Variants in ABTB2 observed in about 807,000 individuals in gnomAD.
ABTB2 encodes ankyrin repeat and BTB domain containing 2.
A neutral mutation model predicts 104.1 loss-of-function variants in ABTB2; 56 were observed. That is an observed-to-expected ratio of 0.54 (90% CI 0.43 to 0.67). The LOEUF (loss-of-function observed/expected upper bound fraction) is 0.67. ABTB2 is among the 30% of genes least tolerant of loss of function. ABTB2 has a pLI of 0.00. For missense variants in ABTB2, 1,279 were observed against 1,407.7 expected, an observed-to-expected ratio of 0.91 and a Z score of 1.46; for synonymous variants, 606 against 608.2, an observed-to-expected ratio of 1.00 and a Z score of 0.05.
intron 5 of ABTB2, 70 bp downstream of exon 5, chr11:34,170,836 C>A: frequency 6.4e-7 from 1 of 1,564,582 alleles, no homozygotes. Flanking sequence ...CAGAGGGCCG[C>A]CAATGCTGGG....
chr11:34,303,457 T>C (rs988201803), intron 1 of ABTB2, among the ~76,000 whole-genome samples: 3 of 152,192 alleles, frequency 2.0e-5, no homozygotes, highest in Admixed American at 6.6e-5. Context: ...CAGCATCACG[T>C]AGAGGTTTCC....
intron 1 of ABTB2, among the ~76,000 whole-genome samples, chr11:34,287,167 T>C (rs1854514918): frequency 7.0e-6 from 1 of 142,556 alleles, no homozygotes; most frequent in Non-Finnish European, 1.5e-5. Flanking sequence ...GGCAACATAG[T>C]AAGACCTTGT....
intron 1 of ABTB2, among the ~76,000 whole-genome samples, chr11:34,315,893 G>C (rs1237191744): frequency 6.6e-6 from 1 of 152,170 alleles, no homozygotes; most frequent in Non-Finnish European, 1.5e-5. Context: ...CCTCACAGTG[G>C]AGAAACCTGA....
intron 1 of ABTB2, among the ~76,000 whole-genome samples, chr11:34,248,114 A>ATTTTTTTTTTTTTTT (rs1363625721): frequency 0.032 from 4,100 of 126,298 alleles, 454 homozygotes; most frequent in African/African-American, 0.12. Flanking sequence ...AAAAAAAAAA[A>ATTTTTTTTTTTTTTT]AAAAAAAACA....
chr11:34,251,567 G>A (rs762283104), intron 1 of ABTB2, among the ~76,000 whole-genome samples: 3 of 152,270 alleles, frequency 2.0e-5, no homozygotes, highest in South Asian at 2.1e-4. Flanking sequence ...GGGAAGCCGC[G>A]CACTCTCTGA....
At position 34,355,417 on chromosome 11, in the gene ABTB2, T is replaced by C. The variant is rs565735270; in HGVS notation, c.883+1284A>G. Among the ~76,000 whole-genome samples, 55 of 152,332 alleles carry C rather than the reference T, an allele frequency of 3.6e-4. 1 individual carries two copies. The Middle Eastern group carries it at 0.01, about 28-fold the overall frequency. ...CATCTATGTAATGTTGGGCAGATTA[T>C]TTAACTGCTGGGTACCTTGGTTTCC... On this transcript the variant is annotated intron_variant, in intron 1 of 16. Coordinates refer to ENST00000435224, the MANE Select transcript of ABTB2 (RefSeq NM_145804.3).
intron 1 of ABTB2, among the ~76,000 whole-genome samples, chr11:34,210,716 G>A (rs1191131102): frequency 1.3e-5 from 2 of 152,222 alleles, no homozygotes. Flanking sequence ...CATGGCCAAG[G>A]CAGCCAAGGC....
Position 34,159,167 on chromosome 11 carries a change from C to A in ABTB2, c.2697+129G>T, listed in dbSNP as rs570981908. The A allele has an allele frequency of 2.9e-4, 204 of 695,710 alleles. No individual in the cohort carries two copies. In the African/African-American group the frequency reaches 3.4e-3, roughly 11 times the overall value. The allele number at this position is 695,710 out of a possible 1,614,324, so 43.1% of individuals were successfully genotyped here. A position where few individuals can be genotyped will look rare whatever the true frequency, so the allele number is the denominator to read the frequency against. ...CAGGGAAAGACCTGGATGCTCTATTCATTCAACAGAATACAGAAGGCACTG... is the reference window on the plus strand; with the variant it reads ...CAGGGAAAGACCTGGATGCTCTATTAATTCAACAGAATACAGAAGGCACTG... On this transcript the variant is annotated intron_variant, in intron 14 of 16. Transcript: ENST00000435224.
chr11:34,208,208 G>A (rs1290532626), intron 1 of ABTB2, among the ~76,000 whole-genome samples: 7 of 152,058 alleles, frequency 4.6e-5, no homozygotes, highest in African/African-American at 1.7e-4. Context: ...CTAGCATAAC[G>A]GGCCCAGGGC....
chr11:34,357,121 G>C lies in ABTB2; in HGVS notation c.463C>G (p.Arg155Gly), dbSNP rs983651357. The C allele has an allele frequency of 6.6e-7, 1 of 1,509,642 alleles. No homozygotes were observed. Among genetic ancestry groups the C allele is most frequent in the Non-Finnish European group, 8.8e-7 (1 of 1,134,812 alleles). The allele number at this position is 1,509,642 out of a possible 1,614,324, so 93.5% of individuals were successfully genotyped here. ...RLSVLHAKCT[R>G]FEVQSAVRLV... ...CGCACGGCGCTCTGCACCTCAAAGC[G>C]GGTGCACTTGGCGTGCAGCACGCTC... is the stretch of plus-strand genomic sequence containing the variant. The change falls in exon 1 of 17, where the codon CGC becomes GGC. Residue 155 changes from arginine (R) to glycine (G), a missense_variant. By Grantham distance (125) the Arg-to-Gly change is moderately radical. Transcript: ENST00000435224.
rs377506532 is a variant in ABTB2 at position 34,154,689 on chromosome 11, C to G, written c.2766+12G>C. ...CCTAGCCCAGGCCCCCTCCCCCTCT[C>G]CCGAGTCTCACCTCCAGGATGTCAG... On this transcript the variant is annotated intron_variant, in intron 15 of 16. Transcript: ENST00000435224. The surrounding 1 kb of genome is among the most constrained non-coding windows in gnomAD (Gnocchi z 4.9). The G allele has an allele frequency of 9.3e-6, 15 of 1,614,008 alleles. No homozygotes were observed. Among genetic ancestry groups the G allele is most frequent in the African/African-American group, 4.0e-5 (3 of 75,062 alleles).
intron 2 of ABTB2, among the ~76,000 whole-genome samples, chr11:34,203,093 G>A (rs549233696): frequency 2.6e-5 from 4 of 152,270 alleles, no homozygotes; most frequent in African/African-American, 7.2e-5. Flanking sequence ...GATCAGCCCC[G>A]ATCTTGATCT....
chr11:34,265,883 C>A (rs1301172225), intron 1 of ABTB2, among the ~76,000 whole-genome samples: 2 of 151,852 alleles, frequency 1.3e-5, no homozygotes, highest in African/African-American at 4.8e-5. Flanking sequence ...GCAGGAGAAT[C>A]GCTTGAACCC....
At chr11:34,170,272 G>T (rs943149977) in intron 5 of ABTB2, among the ~76,000 whole-genome samples, 3 of 152,182 alleles carry the variant, frequency 2.0e-5, no homozygotes, top group African/African-American at 7.2e-5. Flanking sequence ...AAGAGGAAGT[G>T]AGTTAATCTA....
rs7107274 is a variant in ABTB2 at position 34,242,057 on chromosome 11, C to G, written c.884-37367G>C. 8.5e-3 allele frequency among the ~76,000 whole-genome samples: 1,301 copies of G among 152,374 alleles called. 15 individuals carry two copies. Among genetic ancestry groups the G allele is most frequent in the African/African-American group, 0.027 (1,113 of 41,590 alleles). The stretch of plus-strand genomic sequence containing the variant: ...GGCTCGGGCCCTGCGTTGGAAATCT[C>G]TCTCCATGGCCACTGCCCACCTCAA... On this transcript the variant is annotated intron_variant, in intron 1 of 16. Coordinates refer to ENST00000435224, the MANE Select transcript of ABTB2 (RefSeq NM_145804.3).
At position 34,298,743 on chromosome 11, in the gene ABTB2, T is replaced by G. The variant is rs568039204; in HGVS notation, c.883+57958A>C. ...TCCCAAAGTGCTAGGATTATAGGTG[T>G]GAGCAACAGCACCCAGCCTAAACCC... On this transcript the variant is annotated intron_variant, in intron 1 of 16. Transcript: ENST00000435224. Among the ~76,000 whole-genome samples the G allele has an allele frequency of 5.3e-5, 8 of 152,324 alleles. 1 individual carries two copies. In the South Asian group the frequency reaches 1.7e-3, roughly 32 times the overall value.
intron 1 of ABTB2, among the ~76,000 whole-genome samples, chr11:34,227,474 T>C (rs1853703098): frequency 6.6e-6 from 1 of 152,184 alleles, no homozygotes; most frequent in Admixed American, 6.5e-5. Flanking sequence ...TGTGGCATAA[T>C]GTTTTTAAGG....
At chr11:34,210,795 C>A (rs1853471902) in intron 1 of ABTB2, among the ~76,000 whole-genome samples, 1 of 152,206 alleles carries the variant, frequency 6.6e-6, no homozygotes, top group African/African-American at 2.4e-5. Context: ...ACTGCACTCG[C>A]AAGGAAACTT....
At chr11:34,327,922 G>A (rs1274999611) in intron 1 of ABTB2, among the ~76,000 whole-genome samples, 2 of 152,186 alleles carry the variant, frequency 1.3e-5, no homozygotes, top group African/African-American at 4.8e-5. Context: ...CTCACTCCCA[G>A]ACCCAACTCC....
Sources: gnomAD v4.1 joint callset for allele counts (sites outside exome capture counted in the v4.1 genomes callset) on GRCh38, gnomAD v4.1.1 for gene constraint, Gnocchi (gnomAD v3.1) non-coding constraint, MANE v1.5 for transcripts, NCBI Gene and HGNC (gene_info 2026-07-23, HGNC 2026-07-21) for gene names.